FBXL5: variants seen among roughly 807,000 people sequenced by gnomAD.
FBXL5 encodes F-box/LRR-repeat protein 5.
A neutral mutation model predicts 78.3 loss-of-function variants in FBXL5; 26 were observed. That is an observed-to-expected ratio of 0.33 (90% CI 0.24 to 0.46). FBXL5 has a LOEUF of 0.46. Among genes scored for constraint, FBXL5 ranks in the 20% least tolerant of loss-of-function variants. The pLI, the probability that FBXL5 is intolerant of heterozygous loss-of-function variation, is 1.00. For missense variants in FBXL5, 710 were observed against 829.2 expected, an observed-to-expected ratio of 0.86 and a Z score of 1.77; for synonymous variants, 295 against 282.5, an observed-to-expected ratio of 1.04 and a Z score of -0.45.
At chr4:15,619,139 G>C (rs1035886522) in intron 9 of FBXL5, among the ~76,000 whole-genome samples, 14 of 152,026 alleles carry the variant, frequency 9.2e-5, no homozygotes, top group African/African-American at 3.4e-4. Flanking sequence ...TTCCCAACTG[G>C]GTGACAGAGT....
At chr4:15,612,713 A>G (rs1046658107) in intron 9 of FBXL5, among the ~76,000 whole-genome samples, 2 of 152,148 alleles carry the variant, frequency 1.3e-5, no homozygotes, top group Non-Finnish European at 2.9e-5. Flanking sequence ...TGTAATGTTC[A>G]TTCTCCTACC....
In FBXL5 at chr4:15,625,843, T is replaced by C. The variant is rs1262542980; in HGVS notation, c.1259A>G (p.Lys420Arg). 2.5e-6 allele frequency: 4 copies of C among 1,614,036 alleles called. No homozygotes were observed. The highest frequency in any genetic ancestry group is 2.5e-6 in the Non-Finnish European group (3 of 1,180,026). Residue 420 changes from lysine (K) to arginine (R), a missense_variant, in exon 9 of 11, where the codon AAA (lysine) becomes AGA (arginine). By Grantham distance (26) the Lys-to-Arg change is conservative. Coordinates refer to ENST00000341285, the MANE Select transcript of FBXL5 (RefSeq NM_012161.4). ...TGAAGTAATTTTGCTTGTAGATGTT[T>C]TCAAAAAGCCACTTTGATGAGATGT... ...ILTSHQSGFLKTSTSKITSTA... is the reference protein window; with the variant it reads ...ILTSHQSGFLRTSTSKITSTA...
At chr4:15,614,895 C>G (rs1308902083) in intron 9 of FBXL5, among the ~76,000 whole-genome samples, 1 of 152,200 alleles carries the variant, frequency 6.6e-6, no homozygotes, top group Non-Finnish European at 1.5e-5. Flanking sequence ...ACTCCCTCAG[C>G]TTGCAGGGAG....
At chr4:15,655,478 A>T (rs1039034389), upstream of FBXL5, 115 of 791,360 alleles carry the variant, frequency 1.5e-4, no homozygotes, top group Admixed American at 3.1e-4. Flanking sequence ...GGCCCACGTG[A>T]CCGGGCGCGC....
At chr4:15,624,255 C>T (rs940362900) in intron 9 of FBXL5, among the ~76,000 whole-genome samples, 1 of 152,132 alleles carries the variant, frequency 6.6e-6, no homozygotes, top group Non-Finnish European at 1.5e-5. Flanking sequence ...TCCAAAGGCT[C>T]ATGTCAAAGA....
At chr4:15,616,425 G>A (rs1711884161) in intron 9 of FBXL5, among the ~76,000 whole-genome samples, 1 of 152,020 alleles carries the variant, frequency 6.6e-6, no homozygotes, top group Non-Finnish European at 1.5e-5. Context: ...GGCAACTGGT[G>A]AGCAGGGCTA....
Position 15,655,354 on chromosome 4 carries a change from G to C in FBXL5, c.-67C>G, listed in dbSNP as rs890339929. 2.0e-5 allele frequency: 24 copies of C among 1,206,900 alleles called. No homozygotes were observed. Among genetic ancestry groups the C allele is most frequent in the Non-Finnish European group, 2.5e-5 (24 of 942,008 alleles). 74.8% of individuals were successfully genotyped at this position (1,206,900 alleles called of 1,614,324 possible). ...CCTCTCCATAGACACCCTCGCCGCG[G>C]GGCAGAGGCGGCGCGCCCCCTTGCG... is the stretch of plus-strand genomic sequence containing the variant. On this transcript the variant is annotated 5_prime_UTR_variant, in exon 1 of 11. Transcript: ENST00000341285.
At chr4:15,618,934 G>GGACTC (rs57387911) in intron 9 of FBXL5, among the ~76,000 whole-genome samples, 1 of 29,572 alleles carries the variant, frequency 3.4e-5, no homozygotes, top group East Asian at 2.6e-3. Context: ...CTTTGGGAGT[G>GGACTC]CTTGAGCCCA....
intron 1 of FBXL5, 90 bp downstream of exon 1, chr4:15,655,114 G>C (rs1383495822): frequency 9.7e-7 from 1 of 1,034,860 alleles, no homozygotes; most frequent in African/African-American, 1.8e-5. Flanking sequence ...GGGGCTGCGG[G>C]CGCGGCGCAG....
At chr4:15,648,860 T>G (rs1489708688) in intron 1 of FBXL5, among the ~76,000 whole-genome samples, 1 of 152,180 alleles carries the variant, frequency 6.6e-6, no homozygotes, top group African/African-American at 2.4e-5. Context: ...ATCCTCTGTG[T>G]CTTTACCACT....
Position 15,625,344 on chromosome 4 carries a change from G to A in FBXL5, c.1758C>T (p.Tyr586=). 2 of 1,614,140 alleles carry A rather than the reference G, an allele frequency of 1.2e-6. No individual in the cohort carries two copies. Among genetic ancestry groups the A allele is most frequent in the Admixed American group, 1.7e-5 (1 of 60,012 alleles). The change falls in exon 9 of 11, where the codon TAC becomes TAT. Residue 586 remains tyrosine, a synonymous_variant. Transcript: ENST00000341285. ...CTTGATCAGATTTTTCACTCCCAAA[G>A]TAAATTAAGTCTTTTCCCCTAGGCA... ...TRLPRGKDLI[Y]FGSEKSDQET...
chr4:15,660,798 G>A (rs1431025085), upstream of FBXL5, among the ~76,000 whole-genome samples: 1 of 152,202 alleles, frequency 6.6e-6, no homozygotes, highest in Non-Finnish European at 1.5e-5. Context: ...GAGTTAGGTG[G>A]CCCAGCACGG....
chr4:15,614,817 T>C (rs976371077), intron 9 of FBXL5, among the ~76,000 whole-genome samples: 3 of 152,126 alleles, frequency 2.0e-5, no homozygotes, highest in African/African-American at 4.8e-5. Flanking sequence ...TTGGCGGCAT[T>C]TGAGGAGCCC....
upstream of FBXL5, chr4:15,655,510 C>T (rs1407173535): frequency 1.1e-5 from 4 of 373,636 alleles, no homozygotes; most frequent in South Asian, 1.1e-4. Flanking sequence ...CGGCTTCTGC[C>T]TCCCGCCCCC....
chr4:15,669,367 C>G (rs979717140), intron 1 of FBXL5, among the ~76,000 whole-genome samples: 2 of 152,150 alleles, frequency 1.3e-5, no homozygotes, highest in Non-Finnish European at 2.9e-5. Flanking sequence ...TACAGTATTA[C>G]TTCATGGAAC....
chr4:15,641,122 T>C (rs2148651769), intron 2 of FBXL5, among the ~76,000 whole-genome samples: 1 of 152,294 alleles, frequency 6.6e-6, no homozygotes, highest in South Asian at 2.1e-4. Context: ...AAATAGCACG[T>C]ATCTGCCCAC....
chr4:15,626,992 G>T, intron 7 of FBXL5, 37 bp from the exon 8 acceptor site: 1 of 1,382,736 alleles, frequency 7.2e-7, no homozygotes, highest in Non-Finnish European at 1.0e-6. Flanking sequence ...AAGATCTGCA[G>T]AACTTCAGTT....
chr4:15,652,532 T>C (rs748863524), intron 1 of FBXL5, among the ~76,000 whole-genome samples: 1 of 152,180 alleles, frequency 6.6e-6, no homozygotes, highest in Non-Finnish European at 1.5e-5. Flanking sequence ...AAGTATTAAA[T>C]CGGGTATTGT....
At position 15,640,852 on chromosome 4, in the gene FBXL5, T is replaced by G; in HGVS notation, c.332A>C (p.Gln111Pro). The change falls in exon 3 of 11, where the codon CAA becomes CCA. Residue 111 changes from glutamine to proline, a missense_variant. Physicochemically the swap from Gln to Pro is moderately conservative, Grantham distance 76. Transcript: ENST00000341285. ...AAAAGCCTCCAATCTCTCTTTCAGT[T>G]GTTTTGCATAATTTAACTGTTCATA... The part of the protein sequence containing the change: ...NEYEQLNYAK[Q>P]LKERLEAFTR... The G allele has an allele frequency of 6.4e-7, 1 of 1,557,294 alleles. No individual in the cohort carries two copies. The highest frequency in any genetic ancestry group is 8.7e-7 in the Non-Finnish European group (1 of 1,154,594).
Sources: gnomAD v4.1 joint callset for allele counts (sites outside exome capture counted in the v4.1 genomes callset) on GRCh38, gnomAD v4.1.1 for gene constraint, MANE v1.5 for transcripts, NCBI Gene and HGNC (gene_info 2026-07-23, HGNC 2026-07-21) for gene names.